Variants in HELZ observed in about 807,000 individuals in gnomAD.
The protein encoded by HELZ is ATP-dependent RNA helicase with zinc finger domain.
In HELZ, 23 loss-of-function variants were observed where a neutral mutation model predicts 218.2. That is an observed-to-expected ratio of 0.11 (90% CI 0.08 to 0.15). HELZ has a LOEUF of 0.15. HELZ is among the 10% of genes least tolerant of loss of function. The pLI, the probability that HELZ is intolerant of heterozygous loss-of-function variation, is 1.00. For missense variants in HELZ, 1,813 were observed against 2,353.7 expected, an observed-to-expected ratio of 0.77 and a Z score of 4.75; for synonymous variants, 814 against 829.4, an observed-to-expected ratio of 0.98 and a Z score of 0.32.
At position 67,109,330 on chromosome 17, in the gene HELZ, C is replaced by T; in HGVS notation, c.4275G>A (p.Ala1425=). 8 of 1,614,090 alleles carry T rather than the reference C, an allele frequency of 5.0e-6. No individual in the cohort carries two copies. Among genetic ancestry groups the T allele is most frequent in the Non-Finnish European group, 6.8e-6 (8 of 1,180,014 alleles). Reference sequence around the variant, plus strand: ...TATTAAAAAAAGCATTGTTGGGTCCCGCCTGATATGCAGGAGAAAGCTGAG... The same window carrying T: ...TATTAAAAAAAGCATTGTTGGGTCCTGCCTGATATGCAGGAGAAAGCTGAG... ...PPPQLSPAYQ[A]GPNNAFFNSA... is the part of the protein sequence containing the mutation. The change falls in exon 29 of 33, where the codon GCG becomes GCA. Residue 1425 remains alanine, a synonymous_variant. Transcript: ENST00000358691.
At chr17:67,158,259 C>T (rs756214359) in intron 17 of HELZ, among the ~76,000 whole-genome samples, 2 of 152,152 alleles carry the variant, frequency 1.3e-5, no homozygotes, top group Admixed American at 1.3e-4. Context: ...CCTAGAGACA[C>T]CCATCTTCAT....
intron 17 of HELZ, among the ~76,000 whole-genome samples, chr17:67,153,017 T>C (rs2038735304): frequency 6.6e-6 from 1 of 152,136 alleles, no homozygotes; most frequent in Non-Finnish European, 1.5e-5. Flanking sequence ...ACCAATATGA[T>C]GAACCTCAAT....
rs2035880374 is a variant in HELZ, at chr17:67,071,345, T to A, written c.*6907A>T. On this transcript the variant is annotated 3_prime_UTR_variant, in exon 33 of 33. Coordinates refer to ENST00000358691, the MANE Select transcript of HELZ (RefSeq NM_014877.4). Reference sequence around the variant, plus strand: ...CCTACTGAAAGATATAAAGAGGTCTTCGCATACAAGTTATCGTGCAAAGCA... The same window carrying A: ...CCTACTGAAAGATATAAAGAGGTCTACGCATACAAGTTATCGTGCAAAGCA... 6.6e-6 allele frequency: 1 copy of A among 152,426 alleles called. No homozygotes were observed. Among genetic ancestry groups the A allele is most frequent in the African/African-American group, 2.4e-5 (1 of 41,448 alleles). 9.4% of individuals were successfully genotyped at this position (152,426 alleles called of 1,614,324 possible).
chr17:67,152,893 G>C (rs2038730861), intron 17 of HELZ, among the ~76,000 whole-genome samples: 1 of 152,060 alleles, frequency 6.6e-6, no homozygotes, highest in African/African-American at 2.4e-5. Flanking sequence ...AGAGCATGGG[G>C]TATTGGAAGC....
intron 7 of HELZ, among the ~76,000 whole-genome samples, chr17:67,199,210 C>CTT (rs1156398239): frequency 0.091 from 11,125 of 122,882 alleles, 855 homozygotes; most frequent in South Asian, 0.14. Flanking sequence ...TTTGCCATTA[C>CTT]TTTTTTTTTT....
chr17:67,089,668 T>TATAGAGAGAGAGAGAGAG (rs71293575), intron 31 of HELZ, among the ~76,000 whole-genome samples: 3 of 70,640 alleles, frequency 4.2e-5, no homozygotes, highest in Non-Finnish European at 7.8e-5. Flanking sequence ...TATATATATA[T>TATAGAGAGAGAGAGAGAG]AGAGAGAGAG....
intron 5 of HELZ, among the ~76,000 whole-genome samples, chr17:67,204,411 C>T (rs1408468891): frequency 6.6e-6 from 1 of 152,122 alleles, no homozygotes; most frequent in African/African-American, 2.4e-5. Flanking sequence ...ATGTTCACAA[C>T]ATTTTTACAA....
chr17:67,207,358 T>TACA (rs1446409757), intron 5 of HELZ, among the ~76,000 whole-genome samples: 3 of 151,648 alleles, frequency 2.0e-5, no homozygotes, highest in Non-Finnish European at 4.4e-5. Flanking sequence ...TAGCTGGTAT[T>TACA]ACATGCACGT....
At chr17:67,099,630 ATAGTTT>A (rs1177597565) in intron 31 of HELZ, among the ~76,000 whole-genome samples, 7 of 152,224 alleles carry the variant, frequency 4.6e-5, no homozygotes, top group African/African-American at 1.4e-4. Context: ...ACTGTTAAAG[ATAGTTT>A]TAGTTTGAGT....
At chr17:67,183,933 A>T (rs1240328885) in intron 12 of HELZ, among the ~76,000 whole-genome samples, 1 of 152,068 alleles carries the variant, frequency 6.6e-6, no homozygotes, top group African/African-American at 2.4e-5. Context: ...CAAAATGACT[A>T]GAGAAAAAAA....
rs146239729 is a variant in HELZ at position 67,161,116 on chromosome 17, G to T, written c.1896-40C>A. On this transcript the variant is annotated intron_variant, in intron 15 of 32. Coordinates refer to ENST00000358691, the MANE Select transcript of HELZ (RefSeq NM_014877.4). The stretch of plus-strand genomic sequence containing the variant: ...AATTTATGTTAAACACATGCATCTC[G>T]TTAATAAATAGAACATAACACACGA... 3.4e-6 allele frequency: 5 copies of T among 1,449,644 alleles called. No homozygotes were observed. In the Admixed American group the frequency reaches 7.6e-5, roughly 22 times the overall value. The allele number at this position is 1,449,644 out of a possible 1,614,324, so 89.8% of individuals were successfully genotyped here. A position where few individuals can be genotyped will look rare whatever the true frequency, so the allele number is the denominator to read the frequency against.
intron 9 of HELZ, among the ~76,000 whole-genome samples, chr17:67,191,454 T>C (rs1460632037): frequency 3.9e-5 from 6 of 152,070 alleles, no homozygotes; most frequent in Non-Finnish European, 8.8e-5. Context: ...TAAAATACTT[T>C]GATAATTTTT....
intron 27 of HELZ, among the ~76,000 whole-genome samples, chr17:67,116,003 A>G (rs900063193): frequency 2.6e-5 from 4 of 152,174 alleles, no homozygotes; most frequent in African/African-American, 9.6e-5. Flanking sequence ...ATGTAAAAGT[A>G]AAATACATGA....
intron 21 of HELZ, among the ~76,000 whole-genome samples, chr17:67,140,869 G>C (rs1329261056): frequency 6.6e-6 from 1 of 152,098 alleles, no homozygotes; most frequent in Non-Finnish European, 1.5e-5. Flanking sequence ...ATTCCAGTAA[G>C]ACTAACAGAT....
rs749784633 is a variant in HELZ at position 67,150,017 on chromosome 17, C to A, written c.2357-32G>T. On this transcript the variant is annotated intron_variant, in intron 18 of 32. Coordinates refer to ENST00000358691, the MANE Select transcript of HELZ (RefSeq NM_014877.4). ...AATGCAGCATAAACACAGGATAGCACGCTAGAGCAGCAACAAAGGCAGAAG... is the reference window on the plus strand; with the variant it reads ...AATGCAGCATAAACACAGGATAGCAAGCTAGAGCAGCAACAAAGGCAGAAG... The A allele has an allele frequency of 6.1e-6, 8 of 1,317,422 alleles. No homozygotes were observed. The East Asian group carries it at 9.5e-5, about 16-fold the overall frequency. The allele number at this position is 1,317,422 out of a possible 1,614,324, so 81.6% of individuals were successfully genotyped here.
chr17:67,219,872 T>A (rs2040699243), intron 3 of HELZ, among the ~76,000 whole-genome samples: 1 of 152,196 alleles, frequency 6.6e-6, no homozygotes, highest in Admixed American at 6.5e-5. Context: ...AGCAGGAGTT[T>A]ACACGTTGTT....
chr17:67,201,141 G>A lies in HELZ; in HGVS notation c.417C>T (p.Leu139=). 2 of 1,607,514 alleles carry A rather than the reference G, an allele frequency of 1.2e-6. No homozygotes were observed. Among genetic ancestry groups the A allele is most frequent in the Non-Finnish European group, 8.5e-7 (1 of 1,174,006 alleles). ...GAAATGGCCTTACCTCTGTTTCTGA[G>A]AGAAGTGTTTTTAGTCTTGTCAAAT... The part of the protein sequence containing the change: ...TKDLTRLKTL[L]SETETATSNA... The change falls in exon 7 of 33, where the codon CTC becomes CTT. Residue 139 remains leucine, a synonymous_variant. Transcript: ENST00000358691.
intron 31 of HELZ, among the ~76,000 whole-genome samples, chr17:67,101,202 T>G (rs2036919040): frequency 6.6e-6 from 1 of 151,488 alleles, no homozygotes; most frequent in East Asian, 1.9e-4. Context: ...TTTGTAAAGA[T>G]AAAATTTCCC....
chr17:67,238,550 C>T (rs575837133), intron 3 of HELZ, among the ~76,000 whole-genome samples: 107 of 151,712 alleles, frequency 7.1e-4, no homozygotes, highest in Admixed American at 1.2e-3. Context: ...GGCATGGTGG[C>T]GGGCGCCTGT....
Sources: gnomAD v4.1 joint callset for allele counts (sites outside exome capture counted in the v4.1 genomes callset) on GRCh38, gnomAD v4.1.1 for gene constraint, MANE v1.5 for transcripts, NCBI Gene and HGNC (gene_info 2026-07-23, HGNC 2026-07-21) for gene names.